NBEA: variants seen among roughly 807,000 people sequenced by gnomAD.
NBEA encodes lysosomal-trafficking regulator 2.
In NBEA, 44 loss-of-function variants were observed where a neutral mutation model predicts 343.4. The ratio of observed to expected loss-of-function variants is 0.13; its 90% CI spans 0.10 to 0.16. The LOEUF (loss-of-function observed/expected upper bound fraction) is 0.16, where lower values mean the gene tolerates loss of function less well. Ranked by LOEUF, NBEA falls within the 10% of genes least tolerant of loss-of-function variation. NBEA has a pLI of 1.00. For synonymous variants in NBEA, 1,175 were observed against 1,238.7 expected, an observed-to-expected ratio of 0.95 and a Z score of 1.08; for missense variants, 2,555 against 3,631.3, an observed-to-expected ratio of 0.70 and a Z score of 7.62.
chr13:35,532,046 G>T (rs2078290589), intron 41 of NBEA, among the ~76,000 whole-genome samples: 1 of 152,148 alleles, frequency 6.6e-6, no homozygotes, highest in South Asian at 2.1e-4. Flanking sequence ...GCTCATAAAA[G>T]ACATAGAAAG....
intron 41 of NBEA, among the ~76,000 whole-genome samples, chr13:35,539,915 CAAAAAAAA>C (rs71081262): frequency 3.3e-3 from 132 of 39,614 alleles, no homozygotes; most frequent in African/African-American, 0.016. Flanking sequence ...GACTCCGTCT[CAAAAAAAA>C]AAAAAAAAAA....
rs368585899 is a variant in NBEA at position 34,978,674 on chromosome 13, A to G, written c.294+35560A>G. ...TTTTTTTTTCCCACCATAGATTAGT[A>G]TTGGCTGTTGTAGAATCTTGTATAA... On this transcript the variant is annotated intron_variant, in intron 1 of 58. Coordinates refer to ENST00000379939, the MANE Select transcript of NBEA (RefSeq NM_001385012.1). 3.3e-5 allele frequency among the ~76,000 whole-genome samples: 5 copies of G among 152,178 alleles called. No individual in the cohort carries two copies. The East Asian group carries it at 9.7e-4, about 29-fold the overall frequency.
chr13:35,376,282 C>T (rs2041735692), intron 38 of NBEA, among the ~76,000 whole-genome samples: 1 of 152,102 alleles, frequency 6.6e-6, no homozygotes, highest in Non-Finnish European at 1.5e-5. Flanking sequence ...TTGAATGTTT[C>T]AAGTAATTCT....
chr13:35,178,006 A>G (rs2071036511), intron 28 of NBEA, among the ~76,000 whole-genome samples: 1 of 151,724 alleles, frequency 6.6e-6, no homozygotes, highest in South Asian at 2.1e-4. Flanking sequence ...AATGCTAGGA[A>G]AATTCCAAAC....
At position 35,671,158 on chromosome 13, in the gene NBEA, G is replaced by GT; in HGVS notation, c.*173dup. On this transcript the variant is annotated 3_prime_UTR_variant, in exon 59 of 59. Coordinates refer to ENST00000379939, the MANE Select transcript of NBEA (RefSeq NM_001385012.1). ...AGTCAGCAACCATTTTACTTTGTGT[G>GT]TTTTTTCACGACTGAACACCAGCTG... 1 of 560,814 alleles carries GT rather than the reference G, an allele frequency of 1.8e-6. No individual in the cohort carries two copies. 34.7% of individuals were successfully genotyped at this position (560,814 alleles called of 1,614,324 possible). A position where few individuals can be genotyped will look rare whatever the true frequency, so the allele number is the denominator to read the frequency against.
chr13:35,028,140 T>A (rs2062077536), intron 1 of NBEA, among the ~76,000 whole-genome samples: 1 of 151,892 alleles, frequency 6.6e-6, no homozygotes, highest in Non-Finnish European at 1.5e-5. Context: ...CAAGAAAAAA[T>A]TTAAGGTATT....
Position 35,124,761 on chromosome 13 carries a change from TATATATACACACATATATGG to T in NBEA, c.2336+1215_2336+1234del, listed in dbSNP as rs1428222329. On this transcript the variant is annotated intron_variant, in intron 17 of 58. Transcript: ENST00000379939. ...GGATATATACACACATATGTATGGATATATATACACACATATATGGATATATACACACATATATGGATATA... is the reference window on the plus strand; with the variant it reads ...GGATATATACACACATATGTATGGATATATATACACACATATATGGATATA... Among the ~76,000 whole-genome samples the T allele has an allele frequency of 3.5e-3, 529 of 151,130 alleles. 6 individuals carry two copies. The highest frequency in any genetic ancestry group is 0.012 in the African/African-American group (487 of 40,976).
intron 34 of NBEA, among the ~76,000 whole-genome samples, chr13:35,252,229 G>T (rs901537233): frequency 6.6e-6 from 1 of 152,074 alleles, no homozygotes; most frequent in East Asian, 1.9e-4. Context: ...AAGGAGGATC[G>T]CCAAGCAAAG....
At chr13:35,432,914 A>G (rs973067301) in intron 39 of NBEA, among the ~76,000 whole-genome samples, 7 of 152,118 alleles carry the variant, frequency 4.6e-5, no homozygotes, top group African/African-American at 1.7e-4. Flanking sequence ...AGTTTTATTT[A>G]TAACCTCTTT....
intron 31 of NBEA, among the ~76,000 whole-genome samples, chr13:35,200,975 A>G (rs1015230723): frequency 1.4e-5 from 2 of 146,290 alleles, no homozygotes; most frequent in East Asian, 4.0e-4. Context: ...AAAAATTATA[A>G]TTACTTCTGA....
intron 41 of NBEA, among the ~76,000 whole-genome samples, chr13:35,482,489 A>G (rs949719087): frequency 4.6e-5 from 7 of 151,618 alleles, no homozygotes; most frequent in African/African-American, 7.2e-5. Context: ...TGTCAAAAAT[A>G]TCAATTCTAA....
At chr13:34,945,334 G>A (rs954951319) in intron 1 of NBEA, among the ~76,000 whole-genome samples, 2 of 152,072 alleles carry the variant, frequency 1.3e-5, no homozygotes, top group African/African-American at 2.4e-5. Flanking sequence ...TTAGTCATTT[G>A]AAGTGTAATT....
chr13:35,270,750 T>C (rs1443501616), intron 34 of NBEA, among the ~76,000 whole-genome samples: 1 of 152,186 alleles, frequency 6.6e-6, no homozygotes, highest in Non-Finnish European at 1.5e-5. Context: ...GAGATTGACC[T>C]GGGATGCTGG....
intron 17 of NBEA, 129 bp downstream of exon 17, chr13:35,123,703 G>T: frequency 2.4e-6 from 1 of 421,602 alleles, no homozygotes; most frequent in Non-Finnish European, 4.1e-6. Flanking sequence ...AGCTTTCTGT[G>T]GTAGAAATTG....
In NBEA at chr13:35,173,026, C is replaced by A. The variant is rs113423260; in HGVS notation, c.4424-438C>A. Among the ~76,000 whole-genome samples the A allele has an allele frequency of 7.8e-3, 1,185 of 151,910 alleles. 17 individuals carry two copies. The highest frequency in any genetic ancestry group is 0.027 in the African/African-American group (1,136 of 41,436). ...GTATACTGATGTACTCTATTATTGC[C>A]CGAAATGGGAAGTTGTGCTCAGTAG... On this transcript the variant is annotated intron_variant, in intron 26 of 58. Coordinates refer to ENST00000379939, the MANE Select transcript of NBEA (RefSeq NM_001385012.1).
At chr13:35,604,433 T>C (rs79121573) in intron 47 of NBEA, among the ~76,000 whole-genome samples, 179 of 152,230 alleles carry the variant, frequency 1.2e-3, no homozygotes, top group African/African-American at 4.1e-3. Flanking sequence ...TTTAGCTCTG[T>C]TGTAGATTTC....
intron 38 of NBEA, among the ~76,000 whole-genome samples, chr13:35,398,243 CA>C (rs1456201905): frequency 1.3e-5 from 2 of 152,100 alleles, no homozygotes; most frequent in Non-Finnish European, 2.9e-5. Context: ...ACTATATCTG[CA>C]GTGATTTCCT....
intron 6 of NBEA, among the ~76,000 whole-genome samples, chr13:35,054,986 C>T (rs1176288144): frequency 2.0e-5 from 3 of 151,942 alleles, no homozygotes; most frequent in African/African-American, 4.8e-5. Context: ...TTGAATTTTG[C>T]TCAAAGTATT....
At chr13:35,294,299 C>T (rs938452620) in intron 35 of NBEA, among the ~76,000 whole-genome samples, 1 of 149,898 alleles carries the variant, frequency 6.7e-6, no homozygotes, top group Non-Finnish European at 1.5e-5. Flanking sequence ...TTTCATTTTT[C>T]CTCCAGTGTG....
Sources: allele counts gnomAD v4.1 joint callset (sites outside exome capture counted in the v4.1 genomes callset), GRCh38; gene constraint gnomAD v4.1.1; transcripts MANE v1.5; gene names NCBI Gene and HGNC (gene_info 2026-07-23, HGNC 2026-07-21).